DNAJC1: variants seen among roughly 807,000 people sequenced by gnomAD.
DNAJC1 encodes the protein DnaJ heat shock protein family (Hsp40) member C1, also known as dnaJ homolog subfamily C member 1.
DNAJC1 carries 58 observed loss-of-function variants against 76.6 expected under a neutral mutation model. The ratio of observed to expected loss-of-function variants is 0.76; its 90% CI spans 0.61 to 0.94. The LOEUF is 0.94. DNAJC1 is among the 40% of genes least tolerant of loss of function. The probability of loss-of-function intolerance (pLI) is 0.00; values close to 1 mark genes in which losing one functional copy is unlikely to be tolerated. For synonymous variants in DNAJC1, 258 were observed against 267.9 expected, an observed-to-expected ratio of 0.96 and a Z score of 0.36; for missense variants, 689 against 677.3, an observed-to-expected ratio of 1.02 and a Z score of -0.19.
At chr10:21,844,521 C>T (rs548937232) in intron 8 of DNAJC1, among the ~76,000 whole-genome samples, 2 of 152,220 alleles carry the variant, frequency 1.3e-5, no homozygotes, top group East Asian at 1.9e-4. Flanking sequence ...TAAAAAGTTT[C>T]GGGCAGAGAC....
In DNAJC1 at chr10:21,980,931, T is replaced by TA. The variant is rs1279354820; in HGVS notation, c.222+22281dup. ...ACCCTACTGTATTTGTAGCTCCCCT[T>TA]AAAAAAAAATTCAGTTTGTTAATAT... On this transcript the variant is annotated intron_variant, in intron 1 of 11. Coordinates refer to ENST00000376980, the MANE Select transcript of DNAJC1 (RefSeq NM_022365.4). Among the ~76,000 whole-genome samples the TA allele has an allele frequency of 9.9e-5, 15 of 151,602 alleles. No individual in the cohort carries two copies. In the East Asian group the frequency reaches 2.1e-3, roughly 21 times the overall value.
At chr10:21,904,483 T>G in intron 7 of DNAJC1, 39 bp downstream of exon 7, 2 of 1,226,494 alleles carry the variant, frequency 1.6e-6, no homozygotes, top group South Asian at 1.6e-5. Flanking sequence ...ATAATTAATT[T>G]TATATGACAT....
intron 1 of DNAJC1, among the ~76,000 whole-genome samples, chr10:21,970,795 T>C (rs1319640884): frequency 2.0e-5 from 3 of 152,008 alleles, no homozygotes; most frequent in East Asian, 1.9e-4. Context: ...AAAGATCAAA[T>C]TGTTAGCCAA....
intron 8 of DNAJC1, among the ~76,000 whole-genome samples, chr10:21,874,397 T>C (rs1836150664): frequency 6.7e-6 from 1 of 149,166 alleles, no homozygotes; most frequent in Non-Finnish European, 1.5e-5. Context: ...TCCAGCAGCC[T>C]GGGCAACAGA....
intron 9 of DNAJC1, among the ~76,000 whole-genome samples, chr10:21,768,544 C>G (rs972538142): frequency 6.6e-6 from 1 of 152,206 alleles, no homozygotes; most frequent in Non-Finnish European, 1.5e-5. Flanking sequence ...ACCTGGCAGA[C>G]AGTAAAGGCT....
intron 9 of DNAJC1, among the ~76,000 whole-genome samples, chr10:21,800,460 T>C (rs1351229335): frequency 6.6e-6 from 1 of 152,122 alleles, no homozygotes; most frequent in Non-Finnish European, 1.5e-5. Context: ...ATAAAATAGA[T>C]ATGAGTGAAA....
chr10:21,919,550 T>C (rs1837006968), intron 5 of DNAJC1, among the ~76,000 whole-genome samples: 1 of 152,128 alleles, frequency 6.6e-6, no homozygotes, highest in East Asian at 1.9e-4. Context: ...GTCCGTCTAA[T>C]AGTACTTTGT....
Position 21,985,375 on chromosome 10 carries a change from G to A in DNAJC1, c.222+17838C>T, listed in dbSNP as rs947917268. Among the ~76,000 whole-genome samples the A allele has an allele frequency of 3.3e-5, 5 of 150,692 alleles. No individual in the cohort carries two copies. The East Asian group carries it at 8.0e-4, about 24-fold the overall frequency. On this transcript the variant is annotated intron_variant, in intron 1 of 11. Coordinates refer to ENST00000376980, the MANE Select transcript of DNAJC1 (RefSeq NM_022365.4). ...AACGATTCTCCTGCCTCAGCCTCCC[G>A]AGTAACTGGGATCACAGGCATGCAC...
At chr10:21,779,486 G>T (rs1260000408) in intron 9 of DNAJC1, among the ~76,000 whole-genome samples, 2 of 152,212 alleles carry the variant, frequency 1.3e-5, no homozygotes, top group Admixed American at 1.3e-4. Context: ...GGCAAACAGG[G>T]TCTGGAGTGG....
At chr10:21,944,690 T>TA (rs545272524) in intron 1 of DNAJC1, among the ~76,000 whole-genome samples, 22 of 152,118 alleles carry the variant, frequency 1.4e-4, no homozygotes, top group African/African-American at 4.8e-4. Flanking sequence ...GAATCGAGTG[T>TA]AAAAAAATGT....
chr10:21,932,184 T>G (rs1837238975), intron 1 of DNAJC1, among the ~76,000 whole-genome samples: 1 of 151,396 alleles, frequency 6.6e-6, no homozygotes, highest in Admixed American at 6.6e-5. Flanking sequence ...AAAAAAAAAT[T>G]GTTTAATTAG....
intron 1 of DNAJC1, among the ~76,000 whole-genome samples, chr10:21,967,017 T>C (rs531961488): frequency 1.7e-4 from 25 of 147,406 alleles, no homozygotes; most frequent in Admixed American, 1.1e-3. Context: ...TCTTCTTCTT[T>C]TTTTTTTTTT....
intron 8 of DNAJC1, among the ~76,000 whole-genome samples, chr10:21,881,845 A>T (rs1482929827): frequency 4.1e-5 from 4 of 98,534 alleles, no homozygotes; most frequent in Admixed American, 9.7e-5. Context: ...CTCAATTTGT[A>T]AAAAAAAAAA....
At chr10:21,837,673 G>A (rs183470878) in intron 8 of DNAJC1, among the ~76,000 whole-genome samples, 7,894 of 149,854 alleles carry the variant, frequency 0.053, 712 homozygotes, top group African/African-American at 0.18. Context: ...CCCTCCGCCC[G>A]GCAGCCGCCC....
At chr10:21,806,564 C>G (rs1834886216) in intron 8 of DNAJC1, among the ~76,000 whole-genome samples, 1 of 151,470 alleles carries the variant, frequency 6.6e-6, no homozygotes, top group South Asian at 2.1e-4. Context: ...AAAAAACTTA[C>G]AAGTATAAAT....
At chr10:21,791,834 CA>C (rs1323415099) in intron 9 of DNAJC1, among the ~76,000 whole-genome samples, 1 of 151,782 alleles carries the variant, frequency 6.6e-6, no homozygotes, top group Non-Finnish European at 1.5e-5. Context: ...AGCAAGAAAC[CA>C]AACCCAAAGT....
chr10:21,795,847 G>C (rs1234434806), intron 9 of DNAJC1, among the ~76,000 whole-genome samples: 1 of 151,814 alleles, frequency 6.6e-6, no homozygotes, highest in Non-Finnish European at 1.5e-5. Flanking sequence ...TGTGAATCTG[G>C]TTATTTTAGA....
chr10:21,806,527 C>T (rs1834885562), intron 8 of DNAJC1, among the ~76,000 whole-genome samples: 1 of 151,158 alleles, frequency 6.6e-6, no homozygotes, highest in African/African-American at 2.4e-5. Context: ...TTTAAACACA[C>T]ACTTTAAAGA....
chr10:21,996,918 G>A (rs897703805), intron 1 of DNAJC1, among the ~76,000 whole-genome samples: 1 of 152,016 alleles, frequency 6.6e-6, no homozygotes, highest in African/African-American at 2.4e-5. Flanking sequence ...CAGCTCTAAC[G>A]CTATGCATGC....
Sources: allele counts gnomAD v4.1 joint callset (sites outside exome capture counted in the v4.1 genomes callset), GRCh38; gene constraint gnomAD v4.1.1; transcripts MANE v1.5; gene names NCBI Gene and HGNC (gene_info 2026-07-23, HGNC 2026-07-21).